EYA4: variants seen among roughly 807,000 people sequenced by gnomAD.
EYA4 encodes protein phosphatase EYA4.
EYA4 carries 31 observed loss-of-function variants against 87.9 expected under a neutral mutation model. That is an observed-to-expected ratio of 0.35 (90% CI 0.27 to 0.48). The LOEUF (loss-of-function observed/expected upper bound fraction) is 0.48. Ranked by LOEUF, EYA4 falls within the 20% of genes least tolerant of loss-of-function variation. The probability of loss-of-function intolerance (pLI) is 0.99; values close to 1 mark genes in which losing one functional copy is unlikely to be tolerated. For synonymous variants in EYA4, 263 were observed against 270.6 expected, an observed-to-expected ratio of 0.97 and a Z score of 0.28; for missense variants, 678 against 761.4, an observed-to-expected ratio of 0.89 and a Z score of 1.29.
chr6:133,491,075 A>G (rs568165630), intron 13 of EYA4, among the ~76,000 whole-genome samples: 2 of 152,328 alleles, frequency 1.3e-5, no homozygotes, highest in Admixed American at 6.5e-5. Flanking sequence ...GTGCAAGCAC[A>G]TGGAAACTAA....
chr6:133,291,834 C>G (rs1476322584), intron 2 of EYA4, among the ~76,000 whole-genome samples: 3 of 152,112 alleles, frequency 2.0e-5, no homozygotes, highest in Non-Finnish European at 4.4e-5. Flanking sequence ...CACATTGATT[C>G]ATGTTTGGGG....
intron 3 of EYA4, among the ~76,000 whole-genome samples, chr6:133,393,305 T>G (rs1787465302): frequency 6.6e-6 from 1 of 152,140 alleles, no homozygotes; most frequent in South Asian, 2.1e-4. Flanking sequence ...AAGGTACTAT[T>G]TATTGAGCAT....
intron 2 of EYA4, among the ~76,000 whole-genome samples, chr6:133,355,793 A>G (rs1413468099): frequency 6.6e-6 from 1 of 152,260 alleles, no homozygotes; most frequent in Non-Finnish European, 1.5e-5. Flanking sequence ...AATAAAAATA[A>G]GAGGGCATGC....
At chr6:133,411,416 A>G (rs1414834730) in intron 3 of EYA4, among the ~76,000 whole-genome samples, 1 of 152,220 alleles carries the variant, frequency 6.6e-6, no homozygotes, top group Non-Finnish European at 1.5e-5. Context: ...ATCTGTAATC[A>G]GTAAAGTATT....
intron 2 of EYA4, among the ~76,000 whole-genome samples, chr6:133,340,957 A>G (rs925166763): frequency 1.3e-5 from 2 of 152,202 alleles, no homozygotes; most frequent in African/African-American, 2.4e-5. Context: ...TATTCTGAAG[A>G]TTTAGCCAAC....
chr6:133,398,363 A>G (rs1239408579), intron 3 of EYA4, among the ~76,000 whole-genome samples: 2 of 152,188 alleles, frequency 1.3e-5, no homozygotes, highest in Non-Finnish European at 2.9e-5. Flanking sequence ...TGGGGGAAAG[A>G]ATTTTATGCA....
intron 1 of EYA4, among the ~76,000 whole-genome samples, chr6:133,265,335 A>T (rs1432673541): frequency 6.6e-6 from 1 of 151,878 alleles, no homozygotes; most frequent in Non-Finnish European, 1.5e-5. Flanking sequence ...AAACCTAATA[A>T]TACTGTTTGA....
chr6:133,386,824 G>A (rs1786790329), intron 3 of EYA4, among the ~76,000 whole-genome samples: 1 of 152,150 alleles, frequency 6.6e-6, no homozygotes, highest in Non-Finnish European at 1.5e-5. Flanking sequence ...GGAAGAACTT[G>A]TGGTATGTAT....
At chr6:133,325,584 G>T (rs932433001) in intron 2 of EYA4, among the ~76,000 whole-genome samples, 1 of 152,156 alleles carries the variant, frequency 6.6e-6, no homozygotes, top group Admixed American at 6.5e-5. Flanking sequence ...CATCAAGATT[G>T]ACTTTATGAC....
chr6:133,525,115 G>C, intron 18 of EYA4, 39 bp from the exon 19 acceptor site: 1 of 1,613,634 alleles, frequency 6.2e-7, no homozygotes, highest in Non-Finnish European at 8.5e-7. Flanking sequence ...CCGCTAACCA[G>C]GTAACTTCAC....
At chr6:133,500,128 A>G (rs1428992429) in intron 13 of EYA4, among the ~76,000 whole-genome samples, 2 of 151,458 alleles carry the variant, frequency 1.3e-5, no homozygotes, top group African/African-American at 2.4e-5. Flanking sequence ...CACTTTGAGT[A>G]GCAAGACTGT....
chr6:133,345,065 G>C (rs901950749), intron 2 of EYA4, among the ~76,000 whole-genome samples: 1 of 152,018 alleles, frequency 6.6e-6, no homozygotes, highest in Admixed American at 6.6e-5. Flanking sequence ...CTGTAATAAG[G>C]TAAAATTGTT....
At position 133,349,278 on chromosome 6, in the gene EYA4, A is replaced by G. The variant is rs375053711; in HGVS notation, c.34-33114A>G. On this transcript the variant is annotated intron_variant, in intron 2 of 19. Transcript: ENST00000355286. ...CTCCTTACTTGCTTTACTTTGCCCA[A>G]TAGTAATGAACATTCTCTAGGTAGC... Among the ~76,000 whole-genome samples, 3 of 152,270 alleles carry G rather than the reference A, an allele frequency of 2.0e-5. No individual in the cohort carries two copies. The East Asian group carries it at 5.8e-4, about 29-fold the overall frequency.
At chr6:133,386,007 G>A (rs1185258931) in intron 3 of EYA4, among the ~76,000 whole-genome samples, 1 of 152,116 alleles carries the variant, frequency 6.6e-6, no homozygotes, top group Non-Finnish European at 1.5e-5. Context: ...GGGATGTGAT[G>A]TGCTTTGTGT....
intron 3 of EYA4, among the ~76,000 whole-genome samples, chr6:133,408,588 G>A (rs1490150413): frequency 6.6e-6 from 1 of 152,164 alleles, no homozygotes; most frequent in African/African-American, 2.4e-5. Context: ...CCACTTGCTA[G>A]CTATACAGTG....
chr6:133,315,578 A>C (rs914841033), intron 2 of EYA4, among the ~76,000 whole-genome samples: 1 of 152,180 alleles, frequency 6.6e-6, no homozygotes, highest in Non-Finnish European at 1.5e-5. Context: ...AGTGCAAGAA[A>C]CGCGCCACTG....
At chr6:133,527,529 A>G (rs1800733489) in intron 19 of EYA4, among the ~76,000 whole-genome samples, 2 of 152,334 alleles carry the variant, frequency 1.3e-5, no homozygotes, top group South Asian at 4.1e-4. Context: ...CAGTATACCC[A>G]AAATAATTGT....
chr6:133,493,265 A>G (rs1210257967), intron 13 of EYA4, among the ~76,000 whole-genome samples: 1 of 152,188 alleles, frequency 6.6e-6, no homozygotes, highest in Admixed American at 6.5e-5. Context: ...AGCAATGAAA[A>G]GAATAGAGTA....
At chr6:133,434,082 A>G (rs964923577) in intron 3 of EYA4, among the ~76,000 whole-genome samples, 2 of 152,196 alleles carry the variant, frequency 1.3e-5, no homozygotes, top group Non-Finnish European at 2.9e-5. Flanking sequence ...AATCCTGGAG[A>G]TCTTATGGAA....
Sources: allele counts gnomAD v4.1 joint callset (sites outside exome capture counted in the v4.1 genomes callset), GRCh38; gene constraint gnomAD v4.1.1; transcripts MANE v1.5; gene names NCBI Gene and HGNC (gene_info 2026-07-23, HGNC 2026-07-21).